EPHA5: variants seen among roughly 807,000 people sequenced by gnomAD.
EPHA5 encodes the protein ephrin type-A receptor 5.
Under a neutral mutation model 105.0 loss-of-function variants are expected in EPHA5, and 60 were observed. The ratio of observed to expected loss-of-function variants is 0.57; its 90% CI spans 0.46 to 0.71. The LOEUF (loss-of-function observed/expected upper bound fraction) is 0.71. EPHA5 is among the 30% of genes least tolerant of loss of function. EPHA5 has a pLI of 0.00. For missense variants in EPHA5, 1,218 were observed against 1,274.7 expected (o/e 0.96, Z 0.68); for synonymous variants, 513 against 449.1 (o/e 1.14, Z -1.80).
At chr4:65,492,240 C>A (rs750306074) in intron 4 of EPHA5, among the ~76,000 whole-genome samples, 3 of 151,996 alleles carry the variant, frequency 2.0e-5, no homozygotes, top group East Asian at 1.9e-4. Context: ...CTCTCTCTGT[C>A]GCCCGGGCTG....
In EPHA5 at chr4:65,348,814, TA is replaced by T. The variant is rs1402632504; in HGVS notation, c.2446-612del. 3.5e-3 allele frequency among the ~76,000 whole-genome samples: 248 copies of T among 70,144 alleles called. 37 individuals carry two copies. Among genetic ancestry groups the T allele is most frequent in the African/African-American group, 7.4e-3 (106 of 14,348 alleles). The allele number at this position is 70,144 out of a possible 152,430, so 46.0% of individuals were successfully genotyped here. A position where few individuals can be genotyped will look rare whatever the true frequency, so the allele number is the denominator to read the frequency against. On this transcript the variant is annotated intron_variant, in intron 13 of 16. Transcript: ENST00000613740. ...GTGTGTATATATATATATATATATA[TA>T]TTTTTTTTTTTTTTTTTTGAGACAG... is the stretch of plus-strand genomic sequence containing the variant.
intron 3 of EPHA5, among the ~76,000 whole-genome samples, chr4:65,600,924 T>A (rs748827227): frequency 6.6e-6 from 1 of 151,952 alleles, no homozygotes. Context: ...GAGAGAAGCA[T>A]GCATGATCAA....
intron 4 of EPHA5, among the ~76,000 whole-genome samples, chr4:65,494,817 A>G (rs1221527076): frequency 6.6e-6 from 1 of 152,152 alleles, no homozygotes; most frequent in Non-Finnish European, 1.5e-5. Flanking sequence ...TGCCACTCCC[A>G]GTTCTCTATG....
intron 2 of EPHA5, among the ~76,000 whole-genome samples, chr4:65,604,952 G>A (rs565567823): frequency 6.6e-6 from 1 of 152,308 alleles, no homozygotes; most frequent in Admixed American, 6.5e-5. Flanking sequence ...ATTACTAGAA[G>A]TTGTGAGCCT....
Position 65,351,429 on chromosome 4 carries a change from C to T in EPHA5, c.2405G>A (p.Arg802Gln), listed in dbSNP as rs1345783479. Residue 802 changes from arginine (R) to glutamine (Q), a missense_variant, in exon 13 of 17, where the codon CGG becomes CAG. Around this residue, in one of 3 missense-constraint regions of EPHA5, gnomAD observed 971 missense variants for 1,013.5 expected, o/e 0.96. Coordinates refer to ENST00000613740, the MANE Select transcript of EPHA5 (RefSeq NM_001281766.3). The part of the protein sequence containing the change: ...VCKVSDFGLS[R>Q]VLEDDPEAAY... ...TGCCTCGGGATCATCTTCCAGTACC[C>T]GGGAAAGTCCAAAGTCAGACACTTT... is the stretch of plus-strand genomic sequence containing the variant. 1.2e-6 allele frequency: 2 copies of T among 1,613,644 alleles called. No homozygotes were observed. Among genetic ancestry groups the T allele is most frequent in the East Asian group, 2.2e-5 (1 of 44,830 alleles).
At chr4:65,538,902 C>A (rs1349919970) in intron 3 of EPHA5, among the ~76,000 whole-genome samples, 1 of 151,678 alleles carries the variant, frequency 6.6e-6, no homozygotes, top group Non-Finnish European at 1.5e-5. Flanking sequence ...AGATCCAACA[C>A]TCATGTTGGT....
chr4:65,611,199 G>C (rs567542629), intron 2 of EPHA5, among the ~76,000 whole-genome samples: 8 of 152,230 alleles, frequency 5.3e-5, no homozygotes, highest in African/African-American at 1.9e-4. Flanking sequence ...AACAGTCATT[G>C]TGAGACATTA....
intron 8 of EPHA5, among the ~76,000 whole-genome samples, chr4:65,395,996 G>A (rs1323833486): frequency 6.6e-6 from 1 of 152,150 alleles, no homozygotes; most frequent in Non-Finnish European, 1.5e-5. Context: ...GGCAGGGCAG[G>A]AGCCCTGCTC....
At chr4:65,401,320 A>C (rs1328161528) in intron 8 of EPHA5, among the ~76,000 whole-genome samples, 1 of 152,094 alleles carries the variant, frequency 6.6e-6, no homozygotes. Flanking sequence ...AATGGGTCCA[A>C]ATAAAAATTA....
rs1325272388 is a variant in EPHA5, at chr4:65,601,945, T to G, written c.606A>C (p.Val202=). The G allele has an allele frequency of 1.2e-6, 2 of 1,614,146 alleles. No homozygotes were observed. The highest frequency in any genetic ancestry group is 1.7e-6 in the Non-Finnish European group (2 of 1,180,000). ...VMKLNTEVRD[V]GPLSKKGFYL... ...AAAATCCCTTTTTGCTTAGAGGTCC[T>G]ACATCTCTGACCTCTGTATTCAGTT... Residue 202 remains valine, a synonymous_variant, in exon 3 of 17, where the codon GTA becomes GTC. Transcript: ENST00000613740.
intron 2 of EPHA5, among the ~76,000 whole-genome samples, chr4:65,617,665 A>C (rs948683926): frequency 3.3e-5 from 5 of 152,098 alleles, no homozygotes; most frequent in African/African-American, 1.2e-4. Flanking sequence ...TCTCAATAAT[A>C]ACTGCCACTA....
intron 7 of EPHA5, 34 bp downstream of exon 7, chr4:65,414,250 G>C (rs2149018114): frequency 6.2e-7 from 1 of 1,604,166 alleles, no homozygotes; most frequent in Non-Finnish European, 8.5e-7. Flanking sequence ...AACCATTACT[G>C]AGACATGAGC....
At chr4:65,363,983 C>T (rs529952413) in intron 11 of EPHA5, among the ~76,000 whole-genome samples, 1 of 151,572 alleles carries the variant, frequency 6.6e-6, no homozygotes, top group East Asian at 1.9e-4. Flanking sequence ...CCTCTGCCTG[C>T]CTCTTGATCC....
intron 6 of EPHA5, among the ~76,000 whole-genome samples, chr4:65,419,133 C>G (rs537501061): frequency 6.6e-6 from 1 of 151,952 alleles, no homozygotes; most frequent in Non-Finnish European, 1.5e-5. Context: ...GACCACCCGC[C>G]TCAGCCTTCC....
At chr4:65,557,233 G>GATATATATATATAT (rs61008833) in intron 3 of EPHA5, among the ~76,000 whole-genome samples, 8,668 of 90,382 alleles carry the variant, frequency 0.096, 685 homozygotes, top group South Asian at 0.12. Flanking sequence ...TTTATACTGG[G>GATATATATATATAT]ATATATATAT....
chr4:65,463,874 C>T (rs1285363771), intron 5 of EPHA5, among the ~76,000 whole-genome samples: 1 of 151,940 alleles, frequency 6.6e-6, no homozygotes, highest in Non-Finnish European at 1.5e-5. Context: ...AAACTATAGT[C>T]AAAACTCTAG....
chr4:65,504,837 ATATAATTCAG>A (rs1732844936), intron 3 of EPHA5, among the ~76,000 whole-genome samples: 1 of 152,028 alleles, frequency 6.6e-6, no homozygotes, highest in South Asian at 2.1e-4. Context: ...ATCATAAATA[ATATAATTCAG>A]GTATCTTTCA....
chr4:65,458,676 A>G (rs146255133), intron 5 of EPHA5, among the ~76,000 whole-genome samples: 2 of 152,252 alleles, frequency 1.3e-5, no homozygotes, highest in East Asian at 3.9e-4. Flanking sequence ...GAAGACAGAA[A>G]TTTTGATTCA....
chr4:65,467,874 C>T (rs78695286), intron 5 of EPHA5, among the ~76,000 whole-genome samples: 4,129 of 151,942 alleles, frequency 0.027, 70 homozygotes, highest in African/African-American at 0.044. Flanking sequence ...GAGGTCAGGG[C>T]GAAGCAATGT....
Sources: gnomAD v4.1 joint callset for allele counts (sites outside exome capture counted in the v4.1 genomes callset) on GRCh38, gnomAD v4.1.1 for gene constraint, gnomAD v4.1.1 regional missense constraint, MANE v1.5 for transcripts, NCBI Gene and HGNC (gene_info 2026-07-23, HGNC 2026-07-21) for gene names.